Variants in NELL1 observed in about 807,000 individuals in gnomAD.
The protein encoded by NELL1 is neural EGFL like 1, also known as protein kinase C-binding protein NELL1.
Under a neutral mutation model 107.4 loss-of-function variants are expected in NELL1, and 76 were observed. The ratio of observed to expected loss-of-function variants is 0.71; its 90% CI spans 0.59 to 0.86. The LOEUF is 0.86. NELL1 is among the 40% of genes least tolerant of loss of function. The probability of loss-of-function intolerance (pLI) is 0.00; values close to 1 mark genes in which losing one functional copy is unlikely to be tolerated. For synonymous variants in NELL1, 353 were observed against 341.2 expected (o/e 1.03, Z -0.38); for missense variants, 1,024 against 1,005.5 (o/e 1.02, Z -0.25).
intron 15 of NELL1, among the ~76,000 whole-genome samples, chr11:21,379,975 A>G (rs550739776): frequency 6.6e-6 from 1 of 152,214 alleles, no homozygotes; most frequent in African/African-American, 2.4e-5. Context: ...TTCCCCTCCC[A>G]TAACAGAGAA....
At chr11:21,306,218 T>C (rs1400163609) in intron 14 of NELL1, among the ~76,000 whole-genome samples, 1 of 152,004 alleles carries the variant, frequency 6.6e-6, no homozygotes, top group Non-Finnish European at 1.5e-5. Context: ...TCAAGCCAAA[T>C]TGTCAATATA....
intron 2 of NELL1, among the ~76,000 whole-genome samples, chr11:20,686,597 A>T (rs1362386990): frequency 1.3e-5 from 2 of 152,284 alleles, no homozygotes; most frequent in East Asian, 3.9e-4. Context: ...TGGTACACAA[A>T]CAGCTGAATT....
intron 13 of NELL1, among the ~76,000 whole-genome samples, chr11:21,191,204 T>C (rs1857041991): frequency 6.6e-6 from 1 of 151,770 alleles, no homozygotes. Flanking sequence ...GACCCTGAGA[T>C]AGTTATATTG....
rs72942577 is a variant in NELL1 at position 20,839,658 on chromosome 11, G to A, written c.336-7925G>A. 4.2e-3 allele frequency among the ~76,000 whole-genome samples: 644 copies of A among 152,290 alleles called. 6 individuals are homozygous for A. Among genetic ancestry groups the A allele is most frequent in the Middle Eastern group, 0.017 (5 of 294 alleles). ...TTTTCAACTAGATGAAGAAAAGAAGGCTTAGGGAAATGCTGTGTCCTGCCC... is the reference window on the plus strand; with the variant it reads ...TTTTCAACTAGATGAAGAAAAGAAGACTTAGGGAAATGCTGTGTCCTGCCC... On this transcript the variant is annotated intron_variant, in intron 3 of 19. Coordinates refer to ENST00000357134, the MANE Select transcript of NELL1 (RefSeq NM_006157.5).
At chr11:21,541,728 A>T (rs1856298044) in intron 16 of NELL1, among the ~76,000 whole-genome samples, 1 of 152,060 alleles carries the variant, frequency 6.6e-6, no homozygotes, top group Non-Finnish European at 1.5e-5. Context: ...AAGATATTTA[A>T]CCTTTCAAAG....
rs562232596 is a variant in NELL1, at chr11:21,180,312, G to A, written c.1427-49020G>A. Among the ~76,000 whole-genome samples the A allele has an allele frequency of 3.3e-5, 5 of 151,858 alleles. No individual in the cohort carries two copies. The East Asian group carries it at 5.8e-4, about 18-fold the overall frequency. On this transcript the variant is annotated intron_variant, in intron 13 of 19. Transcript: ENST00000357134. The stretch of plus-strand genomic sequence containing the variant: ...GCTTCCTTTTGGTGTGCAAATCAGC[G>A]GGTGTTAATTGGAAAACAAATTTTT...
intron 2 of NELL1, among the ~76,000 whole-genome samples, chr11:20,749,921 T>C (rs1472691609): frequency 6.6e-6 from 1 of 152,214 alleles, no homozygotes; most frequent in East Asian, 1.9e-4. Context: ...TGTCAGCTAG[T>C]TTTCCATTGT....
intron 12 of NELL1, among the ~76,000 whole-genome samples, chr11:20,961,665 A>G (rs1851293366): frequency 6.6e-6 from 1 of 152,174 alleles, no homozygotes; most frequent in South Asian, 2.1e-4. Context: ...GCTGACTTAT[A>G]CATGGATTTT....
chr11:21,422,659 T>C (rs928921913), intron 15 of NELL1, among the ~76,000 whole-genome samples: 8 of 152,114 alleles, frequency 5.3e-5, no homozygotes, highest in East Asian at 3.9e-4. Context: ...GTAATACTTA[T>C]AGTAACCACA....
intron 3 of NELL1, among the ~76,000 whole-genome samples, chr11:20,831,821 A>G (rs142477635): frequency 6.6e-6 from 1 of 152,346 alleles, no homozygotes. Flanking sequence ...AATTTATAAG[A>G]ATTCACATGT....
intron 2 of NELL1, among the ~76,000 whole-genome samples, chr11:20,690,449 T>TC (rs1420096180): frequency 6.6e-6 from 1 of 152,098 alleles, no homozygotes; most frequent in Admixed American, 6.6e-5. Flanking sequence ...CATCTTGAAT[T>TC]AATTTTTGTA....
At chr11:21,352,697 T>G (rs2133723033) in intron 14 of NELL1, among the ~76,000 whole-genome samples, 1 of 152,308 alleles carries the variant, frequency 6.6e-6, no homozygotes, top group South Asian at 2.1e-4. Flanking sequence ...AGTGATGTTC[T>G]TATCCCCCAT....
At chr11:20,772,526 G>C (rs931828271) in intron 2 of NELL1, among the ~76,000 whole-genome samples, 3 of 152,136 alleles carry the variant, frequency 2.0e-5, no homozygotes, top group Non-Finnish European at 2.9e-5. Flanking sequence ...AAATGTTAAA[G>C]TCCTGACTTT....
chr11:20,762,732 A>T (rs971206453), intron 2 of NELL1, among the ~76,000 whole-genome samples: 4 of 152,138 alleles, frequency 2.6e-5, no homozygotes, highest in African/African-American at 7.2e-5. Flanking sequence ...TGCATTTCTC[A>T]CGCTCACATT....
intron 15 of NELL1, among the ~76,000 whole-genome samples, chr11:21,383,454 A>T (rs937907652): frequency 6.6e-6 from 1 of 151,798 alleles, no homozygotes; most frequent in Non-Finnish European, 1.5e-5. Context: ...TGCTTAAAAG[A>T]TAAAGTCCAA....
chr11:21,334,017 G>A (rs1850329653), intron 14 of NELL1, among the ~76,000 whole-genome samples: 1 of 152,026 alleles, frequency 6.6e-6, no homozygotes, highest in Non-Finnish European at 1.5e-5. Context: ...ATTTCTGCAT[G>A]TGCATTGGAG....
intron 5 of NELL1, among the ~76,000 whole-genome samples, chr11:20,896,311 A>G (rs1008614450): frequency 6.6e-6 from 1 of 152,100 alleles, no homozygotes; most frequent in Non-Finnish European, 1.5e-5. Context: ...GAATGCCATT[A>G]TTTCATTTCC....
At chr11:20,864,924 C>T (rs777429441) in intron 4 of NELL1, among the ~76,000 whole-genome samples, 1 of 152,240 alleles carries the variant, frequency 6.6e-6, no homozygotes, top group Admixed American at 6.5e-5. Context: ...TCCTGTACAA[C>T]ATCCTCATTG....
At chr11:20,780,655 C>T (rs1423791178) in intron 2 of NELL1, among the ~76,000 whole-genome samples, 1 of 152,064 alleles carries the variant, frequency 6.6e-6, no homozygotes, top group Non-Finnish European at 1.5e-5. Flanking sequence ...TATATTATGA[C>T]AAGTCAAATG....
Sources: allele counts gnomAD v4.1 joint callset (sites outside exome capture counted in the v4.1 genomes callset), GRCh38; gene constraint gnomAD v4.1.1; transcripts MANE v1.5; gene names NCBI Gene and HGNC (gene_info 2026-07-23, HGNC 2026-07-21).